RAF1: variants seen among roughly 807,000 people sequenced by gnomAD.
RAF1 encodes RAF proto-oncogene serine/threonine-protein kinase.
Under a neutral mutation model 81.1 loss-of-function variants are expected in RAF1, and 27 were observed. The ratio of observed to expected loss-of-function variants is 0.33; its 90% CI spans 0.25 to 0.46. The LOEUF (loss-of-function observed/expected upper bound fraction) is 0.46, where lower values mean the gene tolerates loss of function less well. Ranked by LOEUF, RAF1 falls within the 20% of genes least tolerant of loss-of-function variation. The probability of loss-of-function intolerance (pLI) is 1.00; values close to 1 mark genes in which losing one functional copy is unlikely to be tolerated. For missense variants in RAF1, 598 were observed against 826.0 expected (o/e 0.72, Z 3.38); for synonymous variants, 298 against 294.0 (o/e 1.01, Z -0.14).
chr3:12,644,640 CCTTT>C (rs2060289900), intron 1 of RAF1, among the ~76,000 whole-genome samples: 1 of 152,162 alleles, frequency 6.6e-6, no homozygotes, highest in African/African-American at 2.4e-5. Context: ...TTCCTATTGC[CCTTT>C]CTGAGTAGGG....
In RAF1 at chr3:12,632,283, C is replaced by T. The variant is rs553989692; in HGVS notation, c.-26-13536G>A. Among the ~76,000 whole-genome samples the T allele has an allele frequency of 1.2e-3, 173 of 141,338 alleles. 1 individual carries two copies. Among genetic ancestry groups the T allele is most frequent in the Non-Finnish European group, 1.6e-3 (108 of 67,020 alleles). 92.7% of individuals were successfully genotyped at this position (141,338 alleles called of 152,430 possible). A position where few individuals can be genotyped will look rare whatever the true frequency, so the allele number is the denominator to read the frequency against. On this transcript the variant is annotated intron_variant, in intron 1 of 17. Coordinates refer to ENST00000442415, the MANE Select transcript of RAF1 (RefSeq NM_001354689.3). ...AGGTTGCAGTGAGCCGAGATTGCACCGTTGCACTCCAGCCTGGGCAACAAG... is the reference window on the plus strand; with the variant it reads ...AGGTTGCAGTGAGCCGAGATTGCACTGTTGCACTCCAGCCTGGGCAACAAG...
chr3:12,584,829 A>G lies in RAF1; in HGVS notation c.1863+18T>C, dbSNP rs779897703. 6 of 1,614,000 alleles carry G rather than the reference A, an allele frequency of 3.7e-6. No individual in the cohort carries two copies. In the Admixed American group the frequency reaches 6.7e-5, roughly 18 times the overall value. On this transcript the variant is annotated intron_variant, in intron 17 of 17. Transcript: ENST00000442415. Reference sequence around the variant, plus strand: ...CCAACCCATGCTTTAATCACATTCTAGCAGCCCTGAGCCTTACCTGGGGAA... The same window carrying G: ...CCAACCCATGCTTTAATCACATTCTGGCAGCCCTGAGCCTTACCTGGGGAA...
chr3:12,651,652 T>C (rs1314618813), intron 1 of RAF1, among the ~76,000 whole-genome samples: 1 of 116,554 alleles, frequency 8.6e-6, no homozygotes, highest in Non-Finnish European at 1.9e-5. Flanking sequence ...AGACTTGGTC[T>C]CAAAAAAAAA....
In RAF1 at chr3:12,598,634, G is replaced by C. The variant is rs1026059875; in HGVS notation, c.1168+1057C>G. On this transcript the variant is annotated intron_variant, in intron 11 of 17. Transcript: ENST00000442415. ...CCAGCTACTTGGGAGGCTTAGGCAG[G>C]AGGACTGTTTGAGCCCAAGAGTTGG... is the stretch of plus-strand genomic sequence containing the variant. Among the ~76,000 whole-genome samples, 6 of 149,196 alleles carry C rather than the reference G, an allele frequency of 4.0e-5. No individual in the cohort carries two copies. The South Asian group carries it at 1.3e-3, about 32-fold the overall frequency.
intron 1 of RAF1, among the ~76,000 whole-genome samples, chr3:12,632,192 C>T (rs1414520629): frequency 2.6e-5 from 4 of 151,878 alleles, no homozygotes; most frequent in South Asian, 2.1e-4. Flanking sequence ...GACACAGTGG[C>T]GCATGCCTGT....
At chr3:12,618,770 G>C in intron 1 of RAF1, 23 bp from the exon 2 acceptor site, 2 of 1,569,570 alleles carry the variant, frequency 1.3e-6, no homozygotes, top group Non-Finnish European at 1.8e-6. Context: ...ACAAATAATT[G>C]TAACTCTAGA....
At chr3:12,609,156 G>A (rs567170786) in intron 4 of RAF1, 77 bp downstream of exon 4, 144 of 1,119,186 alleles carry the variant, frequency 1.3e-4, no homozygotes, top group African/African-American at 6.3e-4. Flanking sequence ...ATATACATAC[G>A]CATATTACCT....
intron 1 of RAF1, among the ~76,000 whole-genome samples, chr3:12,625,284 T>C (rs2059671161): frequency 6.6e-6 from 1 of 152,112 alleles, no homozygotes; most frequent in African/African-American, 2.4e-5. Context: ...GGTTTAATCA[T>C]GTTGCCCAGG....
chr3:12,614,522 C>T (rs1361916843), intron 2 of RAF1, among the ~76,000 whole-genome samples: 1 of 152,068 alleles, frequency 6.6e-6, no homozygotes, highest in Admixed American at 6.6e-5. Context: ...CCCTTTACCA[C>T]CCCAGTTTAA....
intron 11 of RAF1, among the ~76,000 whole-genome samples, chr3:12,595,070 T>C (rs1017447646): frequency 6.6e-6 from 1 of 152,134 alleles, no homozygotes; most frequent in African/African-American, 2.4e-5. Flanking sequence ...AACTATTCCA[T>C]GCCCTCCCCT....
At chr3:12,662,482 CA>C (rs1412932429) in intron 1 of RAF1, among the ~76,000 whole-genome samples, 1 of 151,516 alleles carries the variant, frequency 6.6e-6, no homozygotes, top group African/African-American at 2.4e-5. Context: ...AGAAAATTAT[CA>C]GCAAGAATGA....
rs1004867512 is a variant in RAF1, at chr3:12,609,219, G to C, written c.423+14C>G. 1 of 1,578,524 alleles carries C rather than the reference G, an allele frequency of 6.3e-7. No individual in the cohort carries two copies. Among genetic ancestry groups the C allele is most frequent in the South Asian group, 1.1e-5 (1 of 90,310 alleles). ...CCCTCAACATGCCAGAAAGAGAAGA[G>C]ATCTGCAACTTACAAAGTTGTGTGT... On this transcript the variant is annotated intron_variant, in intron 4 of 17. Coordinates refer to ENST00000442415, the MANE Select transcript of RAF1 (RefSeq NM_001354689.3).
intron 1 of RAF1, among the ~76,000 whole-genome samples, chr3:12,659,447 T>TAAAAAAAAAAAA (rs1553625806): frequency 3.0e-5 from 1 of 33,156 alleles, no homozygotes; most frequent in African/African-American, 1.3e-4. Flanking sequence ...AAAAAAAAAT[T>TAAAAAAAAAAAA]ACACGCAAGA....
intron 1 of RAF1, among the ~76,000 whole-genome samples, chr3:12,635,359 AG>A (rs1183418542): frequency 7.5e-6 from 1 of 133,856 alleles, no homozygotes; most frequent in Non-Finnish European, 1.6e-5. Flanking sequence ...AAAAAAGGCC[AG>A]GGGCCATGGC....
At chr3:12,626,181 T>A (rs13069889) in intron 1 of RAF1, among the ~76,000 whole-genome samples, 1 of 148,160 alleles carries the variant, frequency 6.7e-6, no homozygotes, top group Non-Finnish European at 1.5e-5. Flanking sequence ...GAGGTGGAGG[T>A]TGCAGTGAGC....
At chr3:12,619,097 T>C (rs992756003) in intron 1 of RAF1, among the ~76,000 whole-genome samples, 2 of 151,588 alleles carry the variant, frequency 1.3e-5, no homozygotes, top group Non-Finnish European at 2.9e-5. Context: ...TACAAAAAAT[T>C]AGCCGGGCGT....
intron 2 of RAF1, among the ~76,000 whole-genome samples, chr3:12,615,342 C>T (rs550578734): frequency 9.2e-5 from 14 of 152,304 alleles, no homozygotes; most frequent in Admixed American, 9.1e-4. Flanking sequence ...ACCTAATTAT[C>T]ACATCTAAAA....
intron 11 of RAF1, among the ~76,000 whole-genome samples, chr3:12,598,693 T>TC (rs940100347): frequency 1.7e-5 from 2 of 116,430 alleles, no homozygotes; most frequent in Admixed American, 1.2e-4. Context: ...GCCACTGTAC[T>TC]CCAGCCTGGG....
intron 2 of RAF1, among the ~76,000 whole-genome samples, chr3:12,617,894 AAAAG>A (rs1559446806): frequency 1.7e-4 from 16 of 91,676 alleles, no homozygotes; most frequent in Non-Finnish European, 3.0e-4. Context: ...AAAAAAAAAG[AAAAG>A]AAAAAGAAAA....
Sources: allele counts gnomAD v4.1 joint callset (sites outside exome capture counted in the v4.1 genomes callset), GRCh38; gene constraint gnomAD v4.1.1; transcripts MANE v1.5; gene names NCBI Gene and HGNC (gene_info 2026-07-23, HGNC 2026-07-21).